The following MAP3K5 variants were observed in gnomAD, a reference collection of about 807,000 sequenced individuals.
MAP3K5 encodes ASK-1.
In MAP3K5, 56 loss-of-function variants were observed where a neutral mutation model predicts 158.7. The ratio of observed to expected loss-of-function variants is 0.35; its 90% CI spans 0.28 to 0.44. MAP3K5 has a LOEUF of 0.44. Ranked by LOEUF, MAP3K5 falls within the 20% of genes least tolerant of loss-of-function variation. MAP3K5 has a pLI of 1.00. For synonymous variants in MAP3K5, 579 were observed against 601.7 expected, an observed-to-expected ratio of 0.96 and a Z score of 0.55; for missense variants, 1,294 against 1,674.8, an observed-to-expected ratio of 0.77 and a Z score of 3.97.
At chr6:136,583,407 C>T (rs1442687207) in intron 24 of MAP3K5, 148 bp downstream of exon 24, 2 of 693,470 alleles carry the variant, frequency 2.9e-6, no homozygotes, top group Non-Finnish European at 4.6e-6. Context: ...CTTAGAAGCA[C>T]ACTGAGAGGC....
intron 8 of MAP3K5, 45 bp from the exon 9 acceptor site, chr6:136,659,423 C>T: frequency 6.5e-7 from 1 of 1,538,130 alleles, no homozygotes. Context: ...GCACCCCACA[C>T]AGGTAGAACC....
chr6:136,637,299 A>C, intron 14 of MAP3K5, 26 bp downstream of exon 14: 1 of 1,548,708 alleles, frequency 6.5e-7, no homozygotes, highest in Non-Finnish European at 8.9e-7. Flanking sequence ...TGAGCTCTAA[A>C]TGTAAATGGA....
intron 14 of MAP3K5, among the ~76,000 whole-genome samples, chr6:136,630,520 GA>G (rs1020049721): frequency 8.5e-5 from 13 of 152,126 alleles, no homozygotes; most frequent in African/African-American, 3.1e-4. Flanking sequence ...AGCAGCAGCA[GA>G]AAAAAACCTT....
intron 1 of MAP3K5, among the ~76,000 whole-genome samples, chr6:136,757,579 A>ATTTATTTTTTTTTTTTT (rs1562679137): frequency 1.8e-5 from 2 of 112,012 alleles, no homozygotes; most frequent in East Asian, 3.0e-4. Context: ...TTATTTATTT[A>ATTTATTTTTTTTTTTTT]TTTTTTATTT....
intron 1 of MAP3K5, among the ~76,000 whole-genome samples, chr6:136,788,976 G>A (rs1235859473): frequency 6.6e-6 from 1 of 152,188 alleles, no homozygotes; most frequent in East Asian, 1.9e-4. Context: ...ACTCATAAGT[G>A]GGAGCTAAAC....
At chr6:136,568,189 T>C (rs990729591) in intron 25 of MAP3K5, among the ~76,000 whole-genome samples, 10 of 152,290 alleles carry the variant, frequency 6.6e-5, no homozygotes, top group Middle Eastern at 3.4e-3. Context: ...GAAAGAAAGG[T>C]AAAGATGTAA....
intron 1 of MAP3K5, among the ~76,000 whole-genome samples, chr6:136,753,982 A>G (rs780933126): frequency 2.0e-5 from 3 of 152,232 alleles, no homozygotes; most frequent in Non-Finnish European, 2.9e-5. Flanking sequence ...GAGGAGTACT[A>G]GAAAATCCGA....
intron 14 of MAP3K5, among the ~76,000 whole-genome samples, chr6:136,631,020 GC>G (rs1777324360): frequency 6.6e-6 from 1 of 152,092 alleles, no homozygotes; most frequent in Non-Finnish European, 1.5e-5. Context: ...GATCGCTTGA[GC>G]CCAAGAGATA....
intron 2 of MAP3K5, among the ~76,000 whole-genome samples, chr6:136,712,955 C>A (rs1400662458): frequency 8.5e-5 from 13 of 152,178 alleles, no homozygotes; most frequent in Admixed American, 3.9e-4. Flanking sequence ...TCCATTAAAC[C>A]TCTTTTTCTT....
rs139312622 is a variant in MAP3K5, at chr6:136,596,157, T to G, written c.2879-3543A>C. ...ACAGCATAGACCCGGCCCTTAAGAA[T>G]GCCAATATTTAGAGGAAAAGAAGGG... On this transcript the variant is annotated intron_variant, in intron 21 of 29. Coordinates refer to ENST00000359015, the MANE Select transcript of MAP3K5 (RefSeq NM_005923.4). 4.6e-3 allele frequency among the ~76,000 whole-genome samples: 697 copies of G among 151,952 alleles called. 7 individuals are homozygous for G. Among genetic ancestry groups the G allele is most frequent in the African/African-American group, 0.016 (677 of 41,422 alleles).
At chr6:136,571,000 G>A (rs186317111) in intron 25 of MAP3K5, among the ~76,000 whole-genome samples, 1 of 152,298 alleles carries the variant, frequency 6.6e-6, no homozygotes, top group East Asian at 1.9e-4. Flanking sequence ...TCTGGAGAGA[G>A]TCCACAACCA....
At chr6:136,623,521 A>C (rs1290553902) in intron 14 of MAP3K5, among the ~76,000 whole-genome samples, 1 of 152,162 alleles carries the variant, frequency 6.6e-6, no homozygotes, top group East Asian at 1.9e-4. Context: ...AGACCCAAAA[A>C]CATTTTTTTA....
At chr6:136,737,583 C>G (rs1446016429) in intron 1 of MAP3K5, among the ~76,000 whole-genome samples, 1 of 152,200 alleles carries the variant, frequency 6.6e-6, no homozygotes, top group Non-Finnish European at 1.5e-5. Context: ...CTTCTTATCA[C>G]GCTGCCCAGG....
At position 136,601,820 on chromosome 6, in the gene MAP3K5, T is replaced by C. The variant is rs187053454; in HGVS notation, c.2839A>G (p.Thr947Ala). Residue 947 changes from threonine to alanine, a missense_variant, in exon 20 of 30, where the codon ACA (threonine) becomes GCA (alanine). Transcript: ENST00000359015. The part of the protein sequence containing the change: ...FLKVSSKKKK[T>A]QPKLSALSAG... ...CACATACCTGAAAGCTTAGGTTGTG[T>C]CTTTTTCTTTTTGCTTGAAACTTTT... 2 of 1,614,132 alleles carry C rather than the reference T, an allele frequency of 1.2e-6. No homozygotes were observed. The highest frequency in any genetic ancestry group is 3.3e-5 in the Admixed American group (2 of 60,016).
chr6:136,788,028 G>A (rs1479046216), intron 1 of MAP3K5, among the ~76,000 whole-genome samples: 3 of 152,198 alleles, frequency 2.0e-5, no homozygotes, highest in Admixed American at 6.5e-5. Flanking sequence ...CACGAATAAC[G>A]TTTGGTTGGA....
chr6:136,737,041 A>ATATATATATATATATATGTGTG (rs1562658974), intron 1 of MAP3K5, among the ~76,000 whole-genome samples: 3 of 143,244 alleles, frequency 2.1e-5, no homozygotes, highest in African/African-American at 8.4e-5. Flanking sequence ...GTGTGTGTAT[A>ATATATATATATATATATGTGTG]TATATATATA....
chr6:136,779,673 A>C (rs1181332822), intron 1 of MAP3K5, among the ~76,000 whole-genome samples: 2 of 152,216 alleles, frequency 1.3e-5, no homozygotes, highest in African/African-American at 2.4e-5. Flanking sequence ...TATTTGGAAC[A>C]GTCTAAACTA....
At chr6:136,708,685 G>C (rs1382343521) in intron 2 of MAP3K5, among the ~76,000 whole-genome samples, 1 of 152,190 alleles carries the variant, frequency 6.6e-6, no homozygotes, top group Non-Finnish European at 1.5e-5. Context: ...TGGCATTGTA[G>C]AGGAAGGTTG....
At chr6:136,660,686 G>T (rs1778969417) in intron 8 of MAP3K5, among the ~76,000 whole-genome samples, 1 of 152,124 alleles carries the variant, frequency 6.6e-6, no homozygotes, top group South Asian at 2.1e-4. Flanking sequence ...ACATTAAATT[G>T]TTGGGAAAAT....
Sources: gnomAD v4.1 joint callset for allele counts (sites outside exome capture counted in the v4.1 genomes callset) on GRCh38, gnomAD v4.1.1 for gene constraint, MANE v1.5 for transcripts, NCBI Gene and HGNC (gene_info 2026-07-23, HGNC 2026-07-21) for gene names.